DLGAP2: variants seen among roughly 807,000 people sequenced by gnomAD.
DLGAP2 encodes disks large-associated protein 2.
Under a neutral mutation model 100.3 loss-of-function variants are expected in DLGAP2, and 26 were observed. The observed-to-expected ratio is 0.26, with a 90% CI of 0.19 to 0.36. The LOEUF is 0.36. DLGAP2 is among the 10% of genes least tolerant of loss of function. DLGAP2 has a pLI of 1.00. For missense variants in DLGAP2, 1,858 were observed against 1,453.2 expected (o/e 1.28, Z -4.53); for synonymous variants, 886 against 630.1 (o/e 1.41, Z -6.08).
intron 2 of DLGAP2, among the ~76,000 whole-genome samples, chr8:1,031,128 G>T (rs1801959903): frequency 2.0e-5 from 3 of 152,208 alleles, no homozygotes; most frequent in African/African-American, 7.2e-5. Flanking sequence ...CGTCTTACGA[G>T]TTCCACTTTC....
chr8:996,207 G>C (rs1563134320), intron 2 of DLGAP2, among the ~76,000 whole-genome samples: 1 of 152,168 alleles, frequency 6.6e-6, no homozygotes, highest in South Asian at 2.1e-4. Context: ...CTAGACCAAA[G>C]CCTTCTTTAC....
chr8:1,668,196 G>A lies in DLGAP2; in HGVS notation c.1811-133G>A, dbSNP rs546654913. ...CTGTCTCACTGTCCCCTCATTTCAC[G>A]CTATTTTTTTAGGCTAGACGTCCAG... On this transcript the variant is annotated intron_variant, in intron 8 of 14. Transcript: ENST00000637795. 1.1e-4 allele frequency: 88 copies of A among 768,266 alleles called. No individual in the cohort carries two copies. In the East Asian group the frequency reaches 1.8e-3, roughly 15 times the overall value. 47.6% of individuals were successfully genotyped at this position (768,266 alleles called of 1,614,324 possible). A position where few individuals can be genotyped will look rare whatever the true frequency, so the allele number is the denominator to read the frequency against.
At chr8:1,084,668 T>C (rs2129040250) in intron 2 of DLGAP2, among the ~76,000 whole-genome samples, 1 of 152,380 alleles carries the variant, frequency 6.6e-6, no homozygotes, top group South Asian at 2.1e-4. Context: ...TAGCGTGATA[T>C]CCTCCCATTC....
chr8:1,488,751 T>A (rs755678663), intron 3 of DLGAP2, among the ~76,000 whole-genome samples: 1 of 152,230 alleles, frequency 6.6e-6, no homozygotes, highest in Admixed American at 6.5e-5. Context: ...GACGACGTTT[T>A]ATCTTCTGCA....
chr8:773,101 C>G (rs562053882), intron 1 of DLGAP2, among the ~76,000 whole-genome samples: 1 of 152,252 alleles, frequency 6.6e-6, no homozygotes, highest in East Asian at 1.9e-4. Context: ...AGCCCTGGAG[C>G]CTGGGAGGCC....
At chr8:1,527,317 C>T (rs1305735098) in intron 4 of DLGAP2, among the ~76,000 whole-genome samples, 2 of 152,240 alleles carry the variant, frequency 1.3e-5, no homozygotes, top group African/African-American at 2.4e-5. Flanking sequence ...GCCAGAGGCC[C>T]TTGCCCACTG....
intron 2 of DLGAP2, among the ~76,000 whole-genome samples, chr8:937,600 G>A (rs1799100942): frequency 6.6e-6 from 1 of 152,178 alleles, no homozygotes; most frequent in Non-Finnish European, 1.5e-5. Context: ...GGAGTTGCTT[G>A]GGGCTGGAGG....
chr8:1,268,926 C>T (rs920260862), intron 3 of DLGAP2, among the ~76,000 whole-genome samples: 5 of 152,128 alleles, frequency 3.3e-5, no homozygotes, highest in Non-Finnish European at 5.9e-5. Context: ...TGGCCAGAGC[C>T]AACGGCAGTG....
intron 3 of DLGAP2, among the ~76,000 whole-genome samples, chr8:1,336,773 C>T (rs1801284777): frequency 6.6e-6 from 1 of 152,220 alleles, no homozygotes. Context: ...GCTCCTCTCA[C>T]CCTCTTTTAA....
intron 8 of DLGAP2, among the ~76,000 whole-genome samples, chr8:1,634,341 A>T (rs1797719773): frequency 1.3e-5 from 2 of 152,200 alleles, no homozygotes; most frequent in African/African-American, 2.4e-5. Context: ...AAGGCAACAG[A>T]TCCTGGCTCT....
intron 1 of DLGAP2, among the ~76,000 whole-genome samples, chr8:762,523 C>T (rs1439312242): frequency 6.6e-6 from 1 of 152,154 alleles, no homozygotes; most frequent in Non-Finnish European, 1.5e-5. Context: ...AGAAACCATT[C>T]CGAGTCGCCA....
intron 3 of DLGAP2, among the ~76,000 whole-genome samples, chr8:1,499,316 G>C (rs189942000): frequency 9.8e-4 from 149 of 152,344 alleles, no homozygotes; most frequent in African/African-American, 3.4e-3. Context: ...CGCCCTGTGA[G>C]AGCCCCTGCC....
At chr8:1,451,873 C>A (rs1416368357) in intron 3 of DLGAP2, among the ~76,000 whole-genome samples, 3 of 152,258 alleles carry the variant, frequency 2.0e-5, no homozygotes. Context: ...CATCCTGTTC[C>A]CTCCACCAGA....
intron 3 of DLGAP2, among the ~76,000 whole-genome samples, chr8:1,445,752 T>C (rs1338915935): frequency 2.0e-5 from 3 of 152,172 alleles, no homozygotes; most frequent in Non-Finnish European, 2.9e-5. Context: ...CCAGCACCTG[T>C]TGTTTCCTGA....
rs543523933 is a variant in DLGAP2, at chr8:1,392,325, G to A, written c.107-109041G>A. 3.1e-3 allele frequency among the ~76,000 whole-genome samples: 474 copies of A among 152,232 alleles called. 1 individual carries two copies. The highest frequency in any genetic ancestry group is 0.014 in the Middle Eastern group (4 of 294). On this transcript the variant is annotated intron_variant, in intron 3 of 14. Transcript: ENST00000637795. ...TGAGGCGCCATCTGGATCCAGGGTC[G>A]AGGTGCAGGGTTACCCGTTACCTGC...
At chr8:833,959 G>A (rs536019676) in intron 1 of DLGAP2, among the ~76,000 whole-genome samples, 16 of 152,338 alleles carry the variant, frequency 1.1e-4, no homozygotes, top group African/African-American at 2.6e-4. Flanking sequence ...AGTGGGACGA[G>A]AATTCGTGCC....
chr8:862,591 C>G (rs553565619), intron 1 of DLGAP2, among the ~76,000 whole-genome samples: 3 of 152,172 alleles, frequency 2.0e-5, no homozygotes, highest in African/African-American at 7.2e-5. Context: ...CCTCGCCTGG[C>G]CAGACTCCAG....
intron 3 of DLGAP2, among the ~76,000 whole-genome samples, chr8:1,350,171 GGC>G (rs1563098859): frequency 9.3e-5 from 14 of 150,926 alleles, no homozygotes; most frequent in East Asian, 2.0e-4. Context: ...ATGCTCTTGT[GGC>G]GTGGAAAGGC....
intron 10 of DLGAP2, 72 bp from the exon 11 acceptor site, chr8:1,676,461 A>G (rs1235704595): frequency 6.7e-7 from 1 of 1,484,866 alleles, no homozygotes; most frequent in Non-Finnish European, 9.2e-7. Flanking sequence ...CAAATCCACA[A>G]CAACAACAAA....
Sources: allele counts gnomAD v4.1 joint callset (sites outside exome capture counted in the v4.1 genomes callset), GRCh38; gene constraint gnomAD v4.1.1; transcripts MANE v1.5; gene names NCBI Gene and HGNC (gene_info 2026-07-23, HGNC 2026-07-21).